The following FUNDC2 variants were observed in gnomAD, a reference collection of about 807,000 sequenced individuals.
FUNDC2 encodes the protein FUN14 domain-containing protein 2.
A neutral mutation model predicts 15.6 loss-of-function variants in FUNDC2; 4 were observed. The observed-to-expected ratio is 0.26, with a 90% confidence interval of 0.13 to 0.59. FUNDC2 has a LOEUF of 0.59. Among genes scored for constraint, FUNDC2 ranks in the 20% least tolerant of loss-of-function variants. The pLI, the probability that FUNDC2 is intolerant of heterozygous loss-of-function variation, is 0.90. For missense variants in FUNDC2, 98 were observed against 149.7 expected (o/e 0.65, Z 1.80); for synonymous variants, 44 against 56.9 (o/e 0.77, Z 1.02).
At chrX:155,029,773 A>G (rs936971369) in intron 1 of FUNDC2, among the ~76,000 whole-genome samples, 11 of 110,526 alleles carry the variant, frequency 1.0e-4, no homozygotes, top group Admixed American at 1.9e-4. Flanking sequence ...AAAAAAAAGA[A>G]AAAAGAAAAA....
Position 155,057,732 on chromosome X carries a change from C to T in FUNDC2, c.*3060C>T, listed in dbSNP as rs2073912526. The T allele has an allele frequency of 8.9e-6, 1 of 111,776 alleles. No individual in the cohort carries two copies. The highest frequency in any genetic ancestry group is 1.9e-5 in the Non-Finnish European group (1 of 53,142). 9.2% of individuals were successfully genotyped at this position (111,776 alleles called of 1,213,427 possible). A position where few individuals can be genotyped will look rare whatever the true frequency, so the allele number is the denominator to read the frequency against. ...CTCACCACTTTGAGCCACCCTTTGA[C>T]CCAGCGTCTCTCCCGCAATGGGACC... On this transcript the variant is annotated 3_prime_UTR_variant, in exon 5 of 5. Coordinates refer to ENST00000369498, the MANE Select transcript of FUNDC2 (RefSeq NM_023934.4).
intron 3 of FUNDC2, chrX:155,047,208 A>T (rs2073865450): frequency 3.4e-6 from 1 of 292,869 alleles, no homozygotes; most frequent in Non-Finnish European, 6.7e-6. Flanking sequence ...GGAATCACCT[A>T]GGAGTTTTTA....
At chrX:155,053,032 T>A (rs35313997) in intron 4 of FUNDC2, among the ~76,000 whole-genome samples, 1,238 of 111,322 alleles carry the variant, frequency 0.011, 18 homozygotes, top group African/African-American at 0.038. Context: ...CCACACCCGG[T>A]GAAGTTTTAA....
At chrX:155,034,945 C>T (rs1163538974) in intron 2 of FUNDC2, among the ~76,000 whole-genome samples, 2 of 111,450 alleles carry the variant, frequency 1.8e-5, no homozygotes, top group African/African-American at 6.5e-5. Flanking sequence ...TTTATATATT[C>T]TGAATATTCT....
At chrX:155,028,121 T>TATAGACTTTTATAAGAGAA (rs2073802072) in intron 1 of FUNDC2, among the ~76,000 whole-genome samples, 1 of 112,037 alleles carries the variant, frequency 8.9e-6, no homozygotes, top group African/African-American at 3.2e-5. Flanking sequence ...TCTTATAGGT[T>TATAGACTTTTATAAGAGAA]GATCAGGTAT....
At chrX:155,053,092 C>T (rs1391488844) in intron 4 of FUNDC2, among the ~76,000 whole-genome samples, 1 of 112,279 alleles carries the variant, frequency 8.9e-6, no homozygotes, top group Non-Finnish European at 1.9e-5. Flanking sequence ...TGGTCTCAAA[C>T]TTCTGGGCTC....
chrX:155,056,723 C>G lies in FUNDC2; in HGVS notation c.*2051C>G, dbSNP rs1423225965. ...CTTACCCACAGCAATGGGATGGTAACAGCAAAGCTAACCAAAGTGCTCTGT... is the reference window on the plus strand; with the variant it reads ...CTTACCCACAGCAATGGGATGGTAAGAGCAAAGCTAACCAAAGTGCTCTGT... On this transcript the variant is annotated 3_prime_UTR_variant, in exon 5 of 5. Coordinates refer to ENST00000369498, the MANE Select transcript of FUNDC2 (RefSeq NM_023934.4). The G allele has an allele frequency of 1.8e-5, 2 of 111,014 alleles. No individual in the cohort carries two copies. The highest frequency in any genetic ancestry group is 6.6e-5 in the African/African-American group (2 of 30,516). 9.1% of individuals were successfully genotyped at this position (111,014 alleles called of 1,213,427 possible).
chrX:155,059,352 G>A lies in FUNDC2; in HGVS notation c.*4680G>A, dbSNP rs1266892939. The A allele has an allele frequency of 4.5e-5, 5 of 111,605 alleles. No individual in the cohort carries two copies. The highest frequency in any genetic ancestry group is 3.7e-4 in the South Asian group (1 of 2,693). 9.2% of individuals were successfully genotyped at this position (111,605 alleles called of 1,213,427 possible). A position where few individuals can be genotyped will look rare whatever the true frequency, so the allele number is the denominator to read the frequency against. On this transcript the variant is annotated 3_prime_UTR_variant, in exon 5 of 5. Transcript: ENST00000369498. ...ACCCCACAAATGACTTACCCATTAC[G>A]AAGGGAAAACTACCTTTCTAGCTAA...
intron 2 of FUNDC2, among the ~76,000 whole-genome samples, chrX:155,045,969 T>C (rs148304518): frequency 0.011 from 1,259 of 111,161 alleles, 19 homozygotes; most frequent in African/African-American, 0.039. Flanking sequence ...ATATTCAAAA[T>C]GACATTATCT....
chrX:155,030,367 CAAAAAAAAA>C (rs1275771643), intron 1 of FUNDC2, among the ~76,000 whole-genome samples: 7 of 27,571 alleles, frequency 2.5e-4, no homozygotes, highest in Admixed American at 1.0e-3. Context: ...CTCCTGTCTA[CAAAAAAAAA>C]AAAAAAAAAA....
Position 155,054,880 on chromosome X carries a change from C to G in FUNDC2, c.*208C>G. ...GCAGAAGAGACAATAGTCCTTAGCT[C>G]TCCTCCCAGTACACCCCCTACTTGG... is the stretch of plus-strand genomic sequence containing the variant. On this transcript the variant is annotated 3_prime_UTR_variant, in exon 5 of 5. Transcript: ENST00000369498. 2 of 417,656 alleles carry G rather than the reference C, an allele frequency of 4.8e-6. No homozygotes were observed. Among genetic ancestry groups the G allele is most frequent in the South Asian group, 4.4e-5 (1 of 22,778 alleles). 34.4% of individuals were successfully genotyped at this position (417,656 alleles called of 1,213,427 possible).
rs2073917772 is a variant in FUNDC2, at chrX:155,058,833, A to G, written c.*4161A>G. The G allele has an allele frequency of 9.0e-6, 1 of 111,093 alleles. No individual in the cohort carries two copies. The highest frequency in any genetic ancestry group is 3.3e-5 in the African/African-American group (1 of 30,549). The allele number at this position is 111,093 out of a possible 1,213,427, so 9.2% of individuals were successfully genotyped here. A position where few individuals can be genotyped will look rare whatever the true frequency, so the allele number is the denominator to read the frequency against. On this transcript the variant is annotated 3_prime_UTR_variant, in exon 5 of 5. Transcript: ENST00000369498. ...ATGAATCTTAATACTTTTTTTTTTAAAAGAAAAGTGTCGCACTTTTTCACA... is the reference window on the plus strand; with the variant it reads ...ATGAATCTTAATACTTTTTTTTTTAGAAGAAAAGTGTCGCACTTTTTCACA...
At chrX:155,051,977 A>G (rs1228202426) in intron 4 of FUNDC2, among the ~76,000 whole-genome samples, 176 bp downstream of exon 4, 1 of 112,778 alleles carries the variant, frequency 8.9e-6, no homozygotes, top group East Asian at 2.8e-4. Context: ...AAAGCTGGAT[A>G]ATTGTTTGGT....
In FUNDC2 at chrX:155,057,038, AT is replaced by A. The variant is rs1569560289; in HGVS notation, c.*2367del. On this transcript the variant is annotated 3_prime_UTR_variant, in exon 5 of 5. Coordinates refer to ENST00000369498, the MANE Select transcript of FUNDC2 (RefSeq NM_023934.4). ...GAGGTCAGTATTGCAGGTTGGCCTC[AT>A]CCTGCTAGTATGAGAACGGCTGTGA... 3 of 96,025 alleles carry A rather than the reference AT, an allele frequency of 3.1e-5. No homozygotes were observed. Among genetic ancestry groups the A allele is most frequent in the Non-Finnish European group, 6.6e-5 (3 of 45,170 alleles). The allele number at this position is 96,025 out of a possible 1,213,427, so 7.9% of individuals were successfully genotyped here.
intron 1 of FUNDC2, among the ~76,000 whole-genome samples, chrX:155,032,430 C>T (rs925544056): frequency 9.2e-6 from 1 of 108,156 alleles, no homozygotes; most frequent in Non-Finnish European, 1.9e-5. Context: ...GCATGTGCCA[C>T]CACCCCCGGC....
At position 155,055,496 on chromosome X, in the gene FUNDC2, AAAG is replaced by A. The variant is rs2073891638; in HGVS notation, c.*828_*830del. On this transcript the variant is annotated 3_prime_UTR_variant, in exon 5 of 5. Coordinates refer to ENST00000369498, the MANE Select transcript of FUNDC2 (RefSeq NM_023934.4). ...AATACAACATTTAAACCGGAATTTT[AAAG>A]AAGTAGCTTTCCAGGGATTCAGAAT... The A allele has an allele frequency of 3.5e-6, 1 of 288,715 alleles. No homozygotes were observed. Among genetic ancestry groups the A allele is most frequent in the African/African-American group, 2.7e-5 (1 of 36,640 alleles). 23.8% of individuals were successfully genotyped at this position (288,715 alleles called of 1,213,427 possible).
At chrX:155,044,726 G>A (rs1168332990) in intron 2 of FUNDC2, among the ~76,000 whole-genome samples, 1 of 112,225 alleles carries the variant, frequency 8.9e-6, no homozygotes, top group African/African-American at 3.2e-5. Flanking sequence ...TGATGAGGGT[G>A]TGGAGAAAAA....
chrX:155,049,740 A>T (rs782586491), intron 3 of FUNDC2: 3 of 112,216 alleles, frequency 2.7e-5, no homozygotes, highest in Non-Finnish European at 5.6e-5. Context: ...CTCTCCATTT[A>T]TTTAGGTTGT....
At chrX:155,037,356 C>G (rs1302313757) in intron 2 of FUNDC2, among the ~76,000 whole-genome samples, 1 of 111,416 alleles carries the variant, frequency 9.0e-6, no homozygotes, top group Non-Finnish European at 1.9e-5. Flanking sequence ...GGAGAATTCA[C>G]AGAACTCAGA....
Sources: allele counts gnomAD v4.1 joint callset (sites outside exome capture counted in the v4.1 genomes callset), GRCh38; gene constraint gnomAD v4.1.1; transcripts MANE v1.5; gene names NCBI Gene and HGNC (gene_info 2026-07-23, HGNC 2026-07-21).